The following TNS1 variants were observed in gnomAD, a reference collection of about 807,000 sequenced individuals.
TNS1 encodes tensin-1.
A neutral mutation model predicts 168.6 loss-of-function variants in TNS1; 62 were observed. The ratio of observed to expected loss-of-function variants is 0.37; its 90% CI spans 0.30 to 0.45. The LOEUF (loss-of-function observed/expected upper bound fraction) is 0.45. Ranked by LOEUF, TNS1 falls within the 20% of genes least tolerant of loss-of-function variation. TNS1 has a pLI of 1.00. For missense variants in TNS1, 2,240 were observed against 2,339.4 expected (o/e 0.96, Z 0.88); for synonymous variants, 934 against 933.2 (o/e 1.00, Z -0.02).
intron 3 of TNS1, among the ~76,000 whole-genome samples, chr2:217,921,601 T>C (rs2125863137): frequency 6.6e-6 from 1 of 152,314 alleles, no homozygotes; most frequent in East Asian, 1.9e-4. Context: ...TTGGCATTCC[T>C]GGGTTTTTGA....
chr2:217,814,281 G>A (rs1458620836), intron 25 of TNS1, among the ~76,000 whole-genome samples: 1 of 152,124 alleles, frequency 6.6e-6, no homozygotes, highest in Non-Finnish European at 1.5e-5. Context: ...CTCCTGAAGT[G>A]CTGGGATTAT....
chr2:218,000,242 T>C (rs1312781075), intron 1 of TNS1, among the ~76,000 whole-genome samples: 14 of 152,238 alleles, frequency 9.2e-5, no homozygotes, highest in African/African-American at 3.4e-4. Context: ...TATTACTTCT[T>C]AGATGACACA....
chr2:217,923,025 G>A (rs1013890262), intron 3 of TNS1, among the ~76,000 whole-genome samples: 6 of 152,128 alleles, frequency 3.9e-5, no homozygotes, highest in African/African-American at 9.6e-5. Context: ...TCAGGAGCCC[G>A]GAATGTGCCA....
intron 1 of TNS1, among the ~76,000 whole-genome samples, chr2:218,015,942 A>C (rs1262277042): frequency 6.6e-6 from 1 of 152,154 alleles, no homozygotes; most frequent in Non-Finnish European, 1.5e-5. Context: ...GTCTGAGCCC[A>C]GGCTCCCACA....
chr2:217,828,391 G>A (rs1448432200), intron 22 of TNS1, among the ~76,000 whole-genome samples: 1 of 152,200 alleles, frequency 6.6e-6, no homozygotes, highest in Non-Finnish European at 1.5e-5. Context: ...AAATCAAGGT[G>A]GTGTGGTCAA....
chr2:217,837,513 A>T (rs2125336983), intron 19 of TNS1, among the ~76,000 whole-genome samples: 1 of 152,318 alleles, frequency 6.6e-6, no homozygotes, highest in Middle Eastern at 3.4e-3. Flanking sequence ...ATACTCTCCC[A>T]TAATCAGGGG....
At chr2:217,892,145 T>C (rs1951808381) in intron 11 of TNS1, among the ~76,000 whole-genome samples, 1 of 152,204 alleles carries the variant, frequency 6.6e-6, no homozygotes, top group Admixed American at 6.5e-5. Context: ...TCTCCCAGGC[T>C]GGAGTGCAGT....
At chr2:218,008,158 G>C (rs1035560626) in intron 1 of TNS1, among the ~76,000 whole-genome samples, 2 of 152,168 alleles carry the variant, frequency 1.3e-5, no homozygotes, top group African/African-American at 4.8e-5. Context: ...CCTGGGCGGA[G>C]ACGTGTCTGG....
At position 217,817,948 on chromosome 2, in the gene TNS1, C is replaced by T; in HGVS notation, c.4384G>A (p.Ala1462Thr). Residue 1462 changes from alanine to threonine, a missense_variant, in exon 24 of 33, where the codon GCC becomes ACC. Around this residue, in one of 2 missense-constraint regions of TNS1, gnomAD observed 2,131 missense variants for 2,171.2 expected, o/e 0.98. Transcript: ENST00000682258. ...GGGCTGCTCAGGCCAGGGTAGTAGGCAGGGGAGACAGGGAAGGAGGGCGTG... is the reference window on the plus strand; with the variant it reads ...GGGCTGCTCAGGCCAGGGTAGTAGGTAGGGGAGACAGGGAAGGAGGGCGTG... ...PSTPSFPVSP[A>T]YYPGLSSPAT... is the part of the protein sequence containing the mutation. 6.2e-7 allele frequency: 1 copy of T among 1,609,608 alleles called. No individual in the cohort carries two copies. Among genetic ancestry groups the T allele is most frequent in the Non-Finnish European group, 8.5e-7 (1 of 1,177,888 alleles).
chr2:217,878,141 G>T (rs1375515806), intron 18 of TNS1, among the ~76,000 whole-genome samples: 1 of 152,240 alleles, frequency 6.6e-6, no homozygotes, highest in Non-Finnish European at 1.5e-5. Context: ...GCTGTTGCCT[G>T]CACTGAAGTC....
At position 217,817,750 on chromosome 2, in the gene TNS1, C is replaced by G; in HGVS notation, c.4582G>C (p.Gly1528Arg). The change falls in exon 24 of 33, where the codon GGG (glycine) becomes CGG (arginine). Residue 1528 changes from glycine to arginine, a missense_variant. By Grantham distance (125) the Gly-to-Arg change is moderately radical (BLOSUM62 -2). This residue lies in a region of TNS1 where 2,131 missense variants were observed against 2,171.2 expected (regional missense o/e 0.98). Coordinates refer to ENST00000682258, the MANE Select transcript of TNS1 (RefSeq NM_001387777.1). ...PVASGMSSPS[G>R]GSTVSFSHTL... is the part of the protein sequence containing the mutation. ...TGGGAGAAGGAGACGGTGCTGCCCC[C>G]ACTGGGACTGGACATGCCGCTGGCG... The G allele has an allele frequency of 1.9e-6, 3 of 1,613,208 alleles. No homozygotes were observed. The highest frequency in any genetic ancestry group is 2.5e-6 in the Non-Finnish European group (3 of 1,179,518).
chr2:217,807,942 G>A, intron 32 of TNS1, 133 bp downstream of exon 32: 1 of 1,073,716 alleles, frequency 9.3e-7, no homozygotes, highest in Non-Finnish European at 1.4e-6. Context: ...CTCGGAAGCT[G>A]AGTGACCTTG....
intron 3 of TNS1, among the ~76,000 whole-genome samples, chr2:217,924,813 T>A (rs1441245899): frequency 1.3e-5 from 2 of 152,212 alleles, no homozygotes; most frequent in Non-Finnish European, 2.9e-5. Flanking sequence ...TACACCTGCA[T>A]TTGTGAAAGA....
Position 217,935,945 on chromosome 2 carries a change from T to C in TNS1, c.187-15709A>G, listed in dbSNP as rs1365278430. Among the ~76,000 whole-genome samples, 4 of 152,140 alleles carry C rather than the reference T, an allele frequency of 2.6e-5. No individual in the cohort carries two copies. In the East Asian group the frequency reaches 7.7e-4, roughly 29 times the overall value. ...AGACACTGTGAAGGTGACCCCCACA[T>C]CACACTGCCTCATGAGAGGTCATTG... On this transcript the variant is annotated intron_variant, in intron 3 of 32. Coordinates refer to ENST00000682258, the MANE Select transcript of TNS1 (RefSeq NM_001387777.1).
rs7570913 is a variant in TNS1, at chr2:217,980,488, C to G, written c.149-1686G>C. Among the ~76,000 whole-genome samples, 361 of 146,294 alleles carry G rather than the reference C, an allele frequency of 2.5e-3. 2 individuals are homozygous for G. The highest frequency in any genetic ancestry group is 3.7e-3 in the Non-Finnish European group (249 of 67,122). On this transcript the variant is annotated intron_variant, in intron 2 of 32. Coordinates refer to ENST00000682258, the MANE Select transcript of TNS1 (RefSeq NM_001387777.1). The stretch of plus-strand genomic sequence containing the variant: ...TCCTTCCAGGGGGACCTGCCTCTCT[C>G]TCTCTCCTACACACACACAGAGAGA...
At chr2:218,004,466 C>T (rs1446558795), upstream of TNS1, among the ~76,000 whole-genome samples, 1 of 152,212 alleles carries the variant, frequency 6.6e-6, no homozygotes, top group Non-Finnish European at 1.5e-5. Flanking sequence ...TCTGCCCAGC[C>T]ACTTGTGCCA....
intron 19 of TNS1, among the ~76,000 whole-genome samples, chr2:217,845,787 G>A (rs1169206063): frequency 6.6e-6 from 1 of 152,202 alleles, no homozygotes; most frequent in African/African-American, 2.4e-5. Context: ...GGCCATTAGG[G>A]TTATGGCCTC....
intron 2 of TNS1, among the ~76,000 whole-genome samples, chr2:217,980,114 G>GC (rs954763773): frequency 2.6e-5 from 4 of 152,092 alleles, no homozygotes; most frequent in Admixed American, 2.0e-4. Context: ...AGGGACCTTG[G>GC]CCACTGGCCC....
intron 1 of TNS1, among the ~76,000 whole-genome samples, chr2:218,029,609 T>C (rs1958876816): frequency 6.6e-6 from 1 of 152,244 alleles, no homozygotes. Context: ...CCCAGGAATA[T>C]AGATAAAGTT....
Sources: gnomAD v4.1 joint callset for allele counts (sites outside exome capture counted in the v4.1 genomes callset) on GRCh38, gnomAD v4.1.1 for gene constraint, gnomAD v4.1.1 regional missense constraint, MANE v1.5 for transcripts, NCBI Gene and HGNC (gene_info 2026-07-23, HGNC 2026-07-21) for gene names.